The following PDE8B variants were observed in gnomAD, a reference collection of about 807,000 sequenced individuals.
The protein encoded by PDE8B is high affinity cAMP-specific and IBMX-insensitive 3',5'-cyclic phosphodiesterase 8B.
In PDE8B, 26 loss-of-function variants were observed where a neutral mutation model predicts 101.3. The ratio of observed to expected loss-of-function variants is 0.26; its 90% CI spans 0.19 to 0.36. The LOEUF (loss-of-function observed/expected upper bound fraction) is 0.36, where lower values mean the gene tolerates loss of function less well. PDE8B is among the 10% of genes least tolerant of loss of function. The pLI, the probability that PDE8B is intolerant of heterozygous loss-of-function variation, is 1.00. For synonymous variants in PDE8B, 424 were observed against 429.3 expected (o/e 0.99, Z 0.15); for missense variants, 810 against 1,163.1 (o/e 0.70, Z 4.42).
the PDE8B span, among the ~76,000 whole-genome samples, chr5:77,171,057 C>T: frequency 6.6e-6 from 1 of 152,060 alleles, no homozygotes; most frequent in Non-Finnish European, 1.5e-5. Context: ...TGGATGAGTA[C>T]AAAGAAAATG....
chr5:77,301,560 C>T (rs538383367), intron 1 of PDE8B, among the ~76,000 whole-genome samples: 1 of 152,312 alleles, frequency 6.6e-6, no homozygotes, highest in Non-Finnish European at 1.5e-5. Context: ...CAGAGCTAGA[C>T]TGTTCTTTGC....
intron 1 of PDE8B, among the ~76,000 whole-genome samples, chr5:77,240,382 T>C (rs1755531462): frequency 6.6e-6 from 1 of 152,024 alleles, no homozygotes; most frequent in Non-Finnish European, 1.5e-5. Context: ...CTTGATCTCC[T>C]GACCTCGTGA....
intron 10 of PDE8B, among the ~76,000 whole-genome samples, chr5:77,395,626 T>C (rs1790884644): frequency 6.6e-6 from 1 of 152,114 alleles, no homozygotes; most frequent in Admixed American, 6.5e-5. Context: ...TTTATTAGCA[T>C]CTGTAAGACC....
At chr5:77,341,907 C>T (rs1382895765) in intron 6 of PDE8B, among the ~76,000 whole-genome samples, 5 of 152,166 alleles carry the variant, frequency 3.3e-5, no homozygotes, top group Non-Finnish European at 5.9e-5. Context: ...TATACTACTG[C>T]GCCTGTAAGC....
In PDE8B at chr5:77,393,647, G is replaced by A. The variant is rs1040886727; in HGVS notation, c.1168-6601G>A. ...AGCAAGAATAGTTATTAGTCATATA[G>A]GCTTCTTTTCAATTGGCTTTGCTGG... is the stretch of plus-strand genomic sequence containing the variant. On this transcript the variant is annotated intron_variant, in intron 10 of 21. Transcript: ENST00000264917. Among the ~76,000 whole-genome samples the A allele has an allele frequency of 5.9e-5, 9 of 152,240 alleles. No homozygotes were observed. In the East Asian group the frequency reaches 1.7e-3, roughly 29 times the overall value.
In PDE8B at chr5:77,279,741, C is replaced by T. The variant is rs368101880; in HGVS notation, c.340-32253C>T. ...AGGTGGGGTCTGAATACAGGTCTTA[C>T]TTCCAAAGTCTGCACTTGAATTACC... is the stretch of plus-strand genomic sequence containing the variant. On this transcript the variant is annotated intron_variant, in intron 1 of 21. Transcript: ENST00000264917. 2.0e-5 allele frequency among the ~76,000 whole-genome samples: 3 copies of T among 152,322 alleles called. No individual in the cohort carries two copies. In the East Asian group the frequency reaches 5.8e-4, roughly 29 times the overall value.
At chr5:77,366,772 T>G (rs1784226056) in intron 10 of PDE8B, among the ~76,000 whole-genome samples, 1 of 152,180 alleles carries the variant, frequency 6.6e-6, no homozygotes, top group South Asian at 2.1e-4. Context: ...ACATGTTCTA[T>G]ATTAGGAATT....
At chr5:77,251,634 C>T (rs1055438005) in intron 1 of PDE8B, among the ~76,000 whole-genome samples, 4 of 152,160 alleles carry the variant, frequency 2.6e-5, no homozygotes, top group South Asian at 2.1e-4. Flanking sequence ...TCCCCCTTCT[C>T]CCTCTTGAAC....
the PDE8B span, chr5:77,180,349 G>A: frequency 4.3e-6 from 3 of 696,948 alleles, no homozygotes; most frequent in East Asian, 1.3e-4. Flanking sequence ...CACGAGGCCC[G>A]GGGAGTGGGG....
chr5:77,301,393 A>C (rs1165000798), intron 1 of PDE8B, among the ~76,000 whole-genome samples: 1 of 152,104 alleles, frequency 6.6e-6, no homozygotes, highest in Non-Finnish European at 1.5e-5. Context: ...CATGTAGCAA[A>C]ATTTACTGAT....
rs1794693140 is a variant in PDE8B at position 77,412,159 on chromosome 5, T to C, written c.1636T>C (p.Cys546Arg). 6.2e-7 allele frequency: 1 copy of C among 1,613,536 alleles called. No homozygotes were observed. Among genetic ancestry groups the C allele is most frequent in the Non-Finnish European group, 8.5e-7 (1 of 1,179,548 alleles). ...AATAACCATCAATGATGTTCCCCCT[T>C]GTATCTCTCAATTACTTGATAATGA... ...MPITINDVPP[C>R]ISQLLDNEES... The change falls in exon 16 of 22, where the codon TGT becomes CGT. Residue 546 changes from cysteine to arginine, a missense_variant. Transcript: ENST00000264917.
chr5:77,425,800 G>T lies in PDE8B; in HGVS notation c.2452G>T (p.Val818Leu), dbSNP rs1027768095. Reference protein sequence around the residue: ...DEEKRQGLPVVMPVFDRNTCS... With the variant: ...DEEKRQGLPVLMPVFDRNTCS... Reference sequence around the variant, plus strand: ...AGAGAAGAGACAGGGACTACCTGTGGTGATGCCAGTGTTTGACCGGAATAC... The same window carrying T: ...AGAGAAGAGACAGGGACTACCTGTGTTGATGCCAGTGTTTGACCGGAATAC... The change falls in exon 21 of 22, where the codon GTG (valine) becomes TTG (leucine). Residue 818 changes from valine (V) to leucine (L), a missense_variant. Val to Leu is a conservative substitution (Grantham distance 32). This residue lies in a region of PDE8B where 325 missense variants were observed against 560.9 expected (regional missense o/e 0.58). Transcript: ENST00000264917. 6.2e-7 allele frequency: 1 copy of T among 1,612,994 alleles called. No individual in the cohort carries two copies. The highest frequency in any genetic ancestry group is 8.5e-7 in the Non-Finnish European group (1 of 1,178,962).
intron 17 of PDE8B, among the ~76,000 whole-genome samples, chr5:77,414,822 A>G (rs1482789923): frequency 6.7e-6 from 1 of 150,112 alleles, no homozygotes; most frequent in Non-Finnish European, 1.5e-5. Flanking sequence ...TGCCAAGACC[A>G]AGGTGATCAA....
intron 1 of PDE8B, among the ~76,000 whole-genome samples, chr5:77,266,621 T>G (rs753802783): frequency 7.9e-5 from 12 of 152,184 alleles, no homozygotes; most frequent in Non-Finnish European, 1.2e-4. Context: ...CAGTTAAGTA[T>G]TGATCAGTTG....
intron 1 of PDE8B, among the ~76,000 whole-genome samples, chr5:77,225,050 C>T (rs1752036359): frequency 1.3e-5 from 2 of 152,188 alleles, no homozygotes; most frequent in African/African-American, 2.4e-5. Flanking sequence ...CTCTTGGAGA[C>T]GTTAGCAGCC....
In PDE8B at chr5:77,413,268, C is replaced by G; in HGVS notation, c.1870C>G (p.Leu624Val). The G allele has an allele frequency of 6.2e-7, 1 of 1,613,966 alleles. No individual in the cohort carries two copies. The highest frequency in any genetic ancestry group is 8.5e-7 in the Non-Finnish European group (1 of 1,179,914). Residue 624 changes from leucine to valine, a missense_variant, in exon 17 of 22, where the codon CTG (leucine) becomes GTG (valine). Coordinates refer to ENST00000264917, the MANE Select transcript of PDE8B (RefSeq NM_003719.5). ...YHNSTHAADV[L>V]HATAFFLGKE... ...CAACTCCACCCATGCTGCCGACGTC[C>G]TGCACGCCACCGCTTTCTTTCTTGG...
At chr5:77,300,136 C>A (rs1264262461) in intron 1 of PDE8B, among the ~76,000 whole-genome samples, 8 of 152,136 alleles carry the variant, frequency 5.3e-5, no homozygotes, top group Admixed American at 5.2e-4. Context: ...GAACCTGAGG[C>A]TCATCAAAAT....
intron 1 of PDE8B, chr5:77,290,846 A>G (rs1767147371): frequency 1.3e-6 from 2 of 1,554,742 alleles, no homozygotes; most frequent in Non-Finnish European, 1.8e-6. Context: ...AAGGAGCTCC[A>G]ACCACTTCCC....
At chr5:77,338,076 G>A (rs1176635974) in intron 6 of PDE8B, among the ~76,000 whole-genome samples, 2 of 152,190 alleles carry the variant, frequency 1.3e-5, no homozygotes, top group African/African-American at 2.4e-5. Flanking sequence ...GGGCCACTGC[G>A]GGGCCCAGTC....
Sources: allele counts gnomAD v4.1 joint callset (sites outside exome capture counted in the v4.1 genomes callset), GRCh38; gene constraint gnomAD v4.1.1; regional missense constraint gnomAD v4.1.1; transcripts MANE v1.5; gene names NCBI Gene and HGNC (gene_info 2026-07-23, HGNC 2026-07-21).